The following PIK3CD variants were observed in gnomAD, a reference collection of about 807,000 sequenced individuals.
The protein encoded by PIK3CD is phosphatidylinositol-4,5-bisphosphate 3-kinase catalytic subunit delta, also known as phosphatidylinositol 4,5-bisphosphate 3-kinase catalytic subunit delta isoform.
Under a neutral mutation model 122.9 loss-of-function variants are expected in PIK3CD, and 20 were observed. That is an observed-to-expected ratio of 0.16 (90% confidence interval 0.11 to 0.24). The LOEUF is 0.24. PIK3CD is among the 10% of genes least tolerant of loss of function. PIK3CD has a pLI of 1.00. For synonymous variants in PIK3CD, 596 were observed against 593.4 expected (o/e 1.00, Z -0.06); for missense variants, 787 against 1,406.3 (o/e 0.56, Z 7.04).
At chr1:9,708,722 G>A (rs1039059522) in intron 2 of PIK3CD, among the ~76,000 whole-genome samples, 1 of 151,832 alleles carries the variant, frequency 6.6e-6, no homozygotes, top group Non-Finnish European at 1.5e-5. Context: ...GGTGGCAGGC[G>A]CCTGTAATCC....
Position 9,723,010 on chromosome 1 carries a change from TG to T in PIK3CD, c.2427-112del. The T allele has an allele frequency of 9.7e-7, 1 of 1,029,710 alleles. No individual in the cohort carries two copies. Among genetic ancestry groups the T allele is most frequent in the South Asian group, 1.3e-5 (1 of 79,036 alleles). 63.8% of individuals were successfully genotyped at this position (1,029,710 alleles called of 1,614,324 possible). A position where few individuals can be genotyped will look rare whatever the true frequency, so the allele number is the denominator to read the frequency against. ...ATCTCTCACCTGCTTTTTAGCAATG[TG>T]GGCAGCAGCATCTTCTGTGGCTTTT... On this transcript the variant is annotated intron_variant, in intron 19 of 23. Coordinates refer to ENST00000377346, the MANE Select transcript of PIK3CD (RefSeq NM_005026.5). The surrounding 1 kb of genome is among the most constrained non-coding windows in gnomAD (Gnocchi z 4.9).
chr1:9,638,618 G>T, the PIK3CD span, among the ~76,000 whole-genome samples: 1 of 150,954 alleles, frequency 6.6e-6, no homozygotes, highest in South Asian at 2.1e-4. Context: ...TGTAGTCCCA[G>T]CTACTTGGGA....
At chr1:9,684,712 T>C (rs1260431435) in intron 1 of PIK3CD, among the ~76,000 whole-genome samples, 1 of 150,340 alleles carries the variant, frequency 6.7e-6, no homozygotes, top group African/African-American at 2.5e-5. Flanking sequence ...AAATTAAAAA[T>C]TAGTTGGGCA....
chr1:9,644,326 C>T, the PIK3CD span, among the ~76,000 whole-genome samples: 1 of 151,904 alleles, frequency 6.6e-6, no homozygotes, highest in Non-Finnish European at 1.5e-5. Flanking sequence ...ACCAGCCTGG[C>T]CAACATGGTG....
chr1:9,708,041 G>A (rs927157191), intron 2 of PIK3CD, among the ~76,000 whole-genome samples: 1 of 151,832 alleles, frequency 6.6e-6, no homozygotes, highest in African/African-American at 2.4e-5. Flanking sequence ...TGATCCACTC[G>A]CCTCGGCCTC....
In PIK3CD at chr1:9,689,936, C is replaced by A. The variant is rs971525460; in HGVS notation, c.-137-1531C>A. ...GGATTCTCAGCTATGGGCCGCGCGACGCTCTCCTCTCCTAATCTGGTTGCT... is the reference window on the plus strand; with the variant it reads ...GGATTCTCAGCTATGGGCCGCGCGAAGCTCTCCTCTCCTAATCTGGTTGCT... On this transcript the variant is annotated intron_variant, in intron 1 of 23. Coordinates refer to ENST00000377346, the MANE Select transcript of PIK3CD (RefSeq NM_005026.5). This position sits in a 1 kb window ranked among gnomAD's most constrained non-coding sequence, Gnocchi z 6.1. Among the ~76,000 whole-genome samples, 1 of 152,156 alleles carries A rather than the reference C, an allele frequency of 6.6e-6. No homozygotes were observed. Among genetic ancestry groups the A allele is most frequent in the African/African-American group, 2.4e-5 (1 of 41,450 alleles).
At chr1:9,628,327 T>C in the PIK3CD span, among the ~76,000 whole-genome samples, 3 of 151,972 alleles carry the variant, frequency 2.0e-5, no homozygotes, top group African/African-American at 7.2e-5. Flanking sequence ...AAAATACTCT[T>C]AGCGCAGAAA....
At chr1:9,636,895 CT>C in the PIK3CD span, among the ~76,000 whole-genome samples, 1,079 of 141,882 alleles carry the variant, frequency 7.6e-3, 24 homozygotes, top group Admixed American at 0.047. Context: ...TTTTTCTTTT[CT>C]TTTCTTTCTT....
chr1:9,689,406 C>G lies in PIK3CD; in HGVS notation c.-137-2061C>G, dbSNP rs1376343102. Among the ~76,000 whole-genome samples the G allele has an allele frequency of 6.6e-6, 1 of 151,506 alleles. No individual in the cohort carries two copies. ...CCCGTGTGAGCTCGGGCGCTTCTCC[C>G]GGCTGGGGGTGTGAGAATTTGCCGA... On this transcript the variant is annotated intron_variant, in intron 1 of 23. Transcript: ENST00000377346. This position sits in a 1 kb window ranked among gnomAD's most constrained non-coding sequence, Gnocchi z 6.1.
rs567188903 is a variant in PIK3CD at position 9,693,755 on chromosome 1, A to C, written c.-33+2184A>C. ...GGTATGAACAAAACCTTTGCAGGAC[A>C]GGAAACCGATAGGCGAGAGGGAAGC... On this transcript the variant is annotated intron_variant, in intron 2 of 23. Transcript: ENST00000377346. 3.9e-5 allele frequency among the ~76,000 whole-genome samples: 6 copies of C among 152,184 alleles called. No individual in the cohort carries two copies. In the East Asian group the frequency reaches 1.2e-3, roughly 29 times the overall value.
At chr1:9,636,424 C>T in the PIK3CD span, among the ~76,000 whole-genome samples, 1 of 152,162 alleles carries the variant, frequency 6.6e-6, no homozygotes, top group South Asian at 2.1e-4. Context: ...GAACTCCTGG[C>T]CTCAAATGAT....
rs116521863 is a variant in PIK3CD at position 9,698,932 on chromosome 1, G to A, written c.-33+7361G>A. ...GCCAGGTATGGTGGCTCATGCTTGT[G>A]ATCCCAACACTTTCAGAGGCCGATG... On this transcript the variant is annotated intron_variant, in intron 2 of 23. Transcript: ENST00000377346. Among the ~76,000 whole-genome samples the A allele has an allele frequency of 6.1e-3, 933 of 152,196 alleles. 12 individuals carry two copies. Among genetic ancestry groups the A allele is most frequent in the African/African-American group, 0.021 (885 of 41,526 alleles).
At chr1:9,653,744 C>T (rs1394070862) in intron 1 of PIK3CD, 3 of 1,278,394 alleles carry the variant, frequency 2.3e-6, no homozygotes, top group South Asian at 2.3e-5. Flanking sequence ...AGCAGAAATG[C>T]CAACCCCTTA....
chr1:9,648,613 C>T (rs61783014), upstream of PIK3CD, among the ~76,000 whole-genome samples: 8,330 of 152,278 alleles, frequency 0.055, 309 homozygotes, highest in Non-Finnish European at 0.073. Context: ...GGCTAGAGAC[C>T]GCTGCTAAGG....
chr1:9,674,083 T>C (rs1022475886), intron 1 of PIK3CD, among the ~76,000 whole-genome samples: 1 of 152,082 alleles, frequency 6.6e-6, no homozygotes, highest in Non-Finnish European at 1.5e-5. Context: ...TTCTGCTAGG[T>C]AGGAGTCAGG....
rs34570604 is a variant in PIK3CD, at chr1:9,727,808, CTTT to C, written c.*774_*776del. ...AATACTCTGCCATTATCTCAAAAAT[CTTT>C]TTTTTTTTTTTGAGATGGGGTCTTC... On this transcript the variant is annotated 3_prime_UTR_variant, in exon 24 of 24. Transcript: ENST00000377346. The C allele has an allele frequency of 1.1e-4, 18 of 170,206 alleles. No homozygotes were observed. The highest frequency in any genetic ancestry group is 3.3e-4 in the Admixed American group (5 of 15,000). 10.5% of individuals were successfully genotyped at this position (170,206 alleles called of 1,614,324 possible).
In PIK3CD at chr1:9,710,561, G is replaced by C; in HGVS notation, c.106G>C (p.Val36Leu). 1 of 1,614,032 alleles carries C rather than the reference G, an allele frequency of 6.2e-7. No individual in the cohort carries two copies. The highest frequency in any genetic ancestry group is 8.5e-7 in the Non-Finnish European group (1 of 1,180,022). The change falls in exon 3 of 24, where the codon GTG (valine) becomes CTG (leucine). Residue 36 changes from valine to leucine, a missense_variant. Transcript: ENST00000377346. The surrounding 1 kb of genome is among the most constrained non-coding windows in gnomAD (Gnocchi z 4.7). Reference protein sequence around the residue: ...LPTGVYLNFPVSRNANLSTIK... With the variant: ...LPTGVYLNFPLSRNANLSTIK... ...CACAGGGGTCTACCTGAACTTCCCT[G>C]TGTCCCGCAATGCCAACCTCAGCAC...
intron 23 of PIK3CD, among the ~76,000 whole-genome samples, chr1:9,725,447 C>T (rs375483031): frequency 6.6e-6 from 1 of 151,738 alleles, no homozygotes; most frequent in African/African-American, 2.4e-5. Flanking sequence ...CAGCTACTTT[C>T]GGGAGGCTGA....
intron 1 of PIK3CD, among the ~76,000 whole-genome samples, chr1:9,678,967 G>T (rs562470299): frequency 7.2e-5 from 11 of 152,138 alleles, no homozygotes; most frequent in African/African-American, 2.4e-4. Context: ...CATGTGTAAG[G>T]CCCCTTTTGT....
Sources: allele counts gnomAD v4.1 joint callset (sites outside exome capture counted in the v4.1 genomes callset), GRCh38; gene constraint gnomAD v4.1.1; non-coding constraint Gnocchi (gnomAD v3.1); transcripts MANE v1.5; gene names NCBI Gene and HGNC (gene_info 2026-07-23, HGNC 2026-07-21).